DNM3: variants seen among roughly 807,000 people sequenced by gnomAD.
DNM3 encodes the protein dynamin 3.
A neutral mutation model predicts 101.6 loss-of-function variants in DNM3; 47 were observed. That is an observed-to-expected ratio of 0.46 (90% CI 0.37 to 0.59). The LOEUF is 0.59. Ranked by LOEUF, DNM3 falls within the 20% of genes least tolerant of loss-of-function variation. DNM3 has a pLI of 0.00. For synonymous variants in DNM3, 385 were observed against 387.9 expected, an observed-to-expected ratio of 0.99 and a Z score of 0.09; for missense variants, 849 against 1,085.7, an observed-to-expected ratio of 0.78 and a Z score of 3.06.
chr1:172,390,762 AAGGTATTG>A (rs2069479514), intron 20 of DNM3, among the ~76,000 whole-genome samples: 1 of 152,188 alleles, frequency 6.6e-6, no homozygotes, highest in African/African-American at 2.4e-5. Flanking sequence ...TTGTACCAGG[AAGGTATTG>A]AGGCCATTGG....
chr1:171,884,719 G>A (rs1384994765), intron 1 of DNM3, among the ~76,000 whole-genome samples: 2 of 152,166 alleles, frequency 1.3e-5, no homozygotes, highest in Non-Finnish European at 2.9e-5. Flanking sequence ...CCTTCAACGG[G>A]CTAGTTCAGA....
intron 1 of DNM3, among the ~76,000 whole-genome samples, chr1:171,899,157 T>C (rs536167557): frequency 2.0e-5 from 3 of 152,334 alleles, no homozygotes; most frequent in Non-Finnish European, 4.4e-5. Flanking sequence ...GCAGGCTTCA[T>C]CTCTACCCTT....
At chr1:172,239,800 CTTTTTT>C (rs71107343) in intron 14 of DNM3, among the ~76,000 whole-genome samples, 2 of 108,398 alleles carry the variant, frequency 1.8e-5, no homozygotes, top group African/African-American at 3.8e-5. Context: ...TTTTTTTTCT[CTTTTTT>C]TTTTTTTTTT....
intron 13 of DNM3, among the ~76,000 whole-genome samples, chr1:172,099,459 C>G (rs1008689547): frequency 7.2e-5 from 11 of 151,918 alleles, no homozygotes; most frequent in South Asian, 2.1e-4. Context: ...TTTTTAAGAA[C>G]CAGTCCATAA....
chr1:171,926,791 GA>G (rs574246260), intron 2 of DNM3, among the ~76,000 whole-genome samples: 3 of 151,796 alleles, frequency 2.0e-5, no homozygotes, highest in East Asian at 1.9e-4. Context: ...TCAGTGGAAT[GA>G]AAAAAAATCA....
chr1:172,201,675 G>C (rs2060157716), intron 14 of DNM3, among the ~76,000 whole-genome samples: 1 of 152,188 alleles, frequency 6.6e-6, no homozygotes, highest in Admixed American at 6.5e-5. Flanking sequence ...TCCTTCATTA[G>C]TGCAAGGGTA....
intron 4 of DNM3, among the ~76,000 whole-genome samples, chr1:172,006,417 G>A (rs530695062): frequency 1.3e-5 from 2 of 152,082 alleles, no homozygotes; most frequent in Admixed American, 6.6e-5. Context: ...AACTTGGGGT[G>A]ATGAAAGTTG....
chr1:172,183,606 T>A (rs2059419039), intron 14 of DNM3, among the ~76,000 whole-genome samples: 1 of 151,816 alleles, frequency 6.6e-6, no homozygotes, highest in Admixed American at 6.6e-5. Flanking sequence ...TTTTTTAAAT[T>A]TTTTTATTTT....
At chr1:172,060,854 A>C (rs2051120093) in intron 10 of DNM3, among the ~76,000 whole-genome samples, 1 of 80,830 alleles carries the variant, frequency 1.2e-5, no homozygotes, top group African/African-American at 5.7e-5. Context: ...AATGGGATCT[A>C]ATTAAACTAA....
intron 4 of DNM3, among the ~76,000 whole-genome samples, chr1:172,023,225 C>G (rs1464061780): frequency 1.3e-5 from 2 of 152,100 alleles, no homozygotes; most frequent in Non-Finnish European, 2.9e-5. Context: ...ATACTGGGAT[C>G]TATACCATCC....
intron 14 of DNM3, chr1:172,139,699 G>T (rs2057462091): frequency 6.6e-6 from 1 of 152,040 alleles, no homozygotes; most frequent in Admixed American, 6.6e-5. Context: ...ATGTGTTTTG[G>T]ATATAGTTAG....
intron 15 of DNM3, among the ~76,000 whole-genome samples, chr1:172,306,813 T>A (rs1386391428): frequency 3.9e-5 from 6 of 152,206 alleles, no homozygotes; most frequent in Non-Finnish European, 8.8e-5. Context: ...CTGGGAAAAC[T>A]GGGTAGCCAT....
rs968419226 is a variant in DNM3, at chr1:172,384,318, G to C, written c.2059-2815G>C. 2.0e-5 allele frequency among the ~76,000 whole-genome samples: 3 copies of C among 152,066 alleles called. No individual in the cohort carries two copies. In the East Asian group the frequency reaches 5.8e-4, roughly 29 times the overall value. On this transcript the variant is annotated intron_variant, in intron 18 of 20. Coordinates refer to ENST00000627582, the MANE Select transcript of DNM3 (RefSeq NM_015569.5). Reference sequence around the variant, plus strand: ...CAGCTGTCTATTGTTCTCCTGTCTCGATGTACCTAATGCCAATGTAGCCTA... The same window carrying C: ...CAGCTGTCTATTGTTCTCCTGTCTCCATGTACCTAATGCCAATGTAGCCTA...
chr1:172,034,287 T>C (rs1401583882), intron 6 of DNM3, among the ~76,000 whole-genome samples: 3 of 152,200 alleles, frequency 2.0e-5, no homozygotes, highest in Non-Finnish European at 4.4e-5. Flanking sequence ...GATTGTATCA[T>C]TTAAAAATAT....
intron 2 of DNM3, among the ~76,000 whole-genome samples, chr1:171,962,588 A>C (rs2043290266): frequency 6.6e-6 from 1 of 152,122 alleles, no homozygotes; most frequent in Admixed American, 6.6e-5. Flanking sequence ...TCTTTCTGGC[A>C]TACAGATAGC....
chr1:172,337,849 T>C (rs1463689639), intron 17 of DNM3, among the ~76,000 whole-genome samples: 1 of 147,108 alleles, frequency 6.8e-6, no homozygotes, highest in African/African-American at 2.6e-5. Flanking sequence ...CATTTTATTT[T>C]ATTTTATTTT....
chr1:172,172,912 G>A (rs1307804307), intron 14 of DNM3, among the ~76,000 whole-genome samples: 2 of 151,796 alleles, frequency 1.3e-5, no homozygotes, highest in African/African-American at 4.8e-5. Flanking sequence ...TTCCAAACTT[G>A]GCATTTTTAA....
At chr1:172,055,324 A>G (rs1340817408) in intron 10 of DNM3, among the ~76,000 whole-genome samples, 1 of 151,978 alleles carries the variant, frequency 6.6e-6, no homozygotes, top group African/African-American at 2.4e-5. Context: ...GGATCAAACC[A>G]TTGCTTCTTT....
intron 17 of DNM3, chr1:172,378,172 A>T (rs1052644159): frequency 1.3e-5 from 2 of 152,084 alleles, no homozygotes; most frequent in African/African-American, 2.4e-5. Flanking sequence ...AGCTGACTTG[A>T]AATGGAGACC....
Sources: gnomAD v4.1 joint callset for allele counts (sites outside exome capture counted in the v4.1 genomes callset) on GRCh38, gnomAD v4.1.1 for gene constraint, MANE v1.5 for transcripts, NCBI Gene and HGNC (gene_info 2026-07-23, HGNC 2026-07-21) for gene names.